CCDC171: variants seen among roughly 807,000 people sequenced by gnomAD.
The protein encoded by CCDC171 is coiled-coil domain containing 171, also known as coiled-coil domain-containing protein 171.
CCDC171 carries 177 observed loss-of-function variants against 168.2 expected under a neutral mutation model. The observed-to-expected ratio is 1.05, with a 90% CI of 0.93 to 1.19. The LOEUF is 1.19. CCDC171 is among the 50% of genes most tolerant of loss of function. CCDC171 has a pLI of 0.00. For synonymous variants in CCDC171, 687 were observed against 540.8 expected, an observed-to-expected ratio of 1.27 and a Z score of -3.75; for missense variants, 1,991 against 1,539.0, an observed-to-expected ratio of 1.29 and a Z score of -4.91.
intron 6 of CCDC171, among the ~76,000 whole-genome samples, chr9:15,606,157 T>G (rs1188153397): frequency 6.6e-6 from 1 of 152,236 alleles, no homozygotes; most frequent in Non-Finnish European, 1.5e-5. Context: ...CTTATTGTAC[T>G]GTATTCACTT....
chr9:15,852,497 T>G (rs1442944012), intron 23 of CCDC171, among the ~76,000 whole-genome samples: 1 of 151,802 alleles, frequency 6.6e-6, no homozygotes, highest in African/African-American at 2.4e-5. Flanking sequence ...ATTATATATA[T>G]GAATTGAAAA....
At chr9:15,822,230 C>G (rs556717449) in intron 21 of CCDC171, among the ~76,000 whole-genome samples, 63 of 152,162 alleles carry the variant, frequency 4.1e-4, no homozygotes, top group African/African-American at 1.4e-3. Flanking sequence ...CATAAAAACC[C>G]TAGAAGAAAA....
At chr9:15,812,831 G>C (rs10962171) in intron 21 of CCDC171, among the ~76,000 whole-genome samples, 102 of 152,096 alleles carry the variant, frequency 6.7e-4, no homozygotes, top group African/African-American at 2.1e-3. Flanking sequence ...TTTGCTGTGC[G>C]TTCCCTGTCC....
At chr9:15,601,104 C>T (rs1485513265) in intron 6 of CCDC171, among the ~76,000 whole-genome samples, 1 of 152,218 alleles carries the variant, frequency 6.6e-6, no homozygotes, top group Non-Finnish European at 1.5e-5. Context: ...ATGCCTCGCC[C>T]TGCTTCGACT....
Position 15,699,689 on chromosome 9 carries a change from C to T in CCDC171, c.1318+4352C>T, listed in dbSNP as rs118147128. Among the ~76,000 whole-genome samples the T allele has an allele frequency of 6.7e-3, 1,023 of 152,212 alleles. 3 individuals are homozygous for T. Among genetic ancestry groups the T allele is most frequent in the Non-Finnish European group, 0.011 (778 of 68,004 alleles). On this transcript the variant is annotated intron_variant, in intron 11 of 25. Transcript: ENST00000380701. ...GTGAATTCACAAACACTGAGCTAGA[C>T]ACGGGGTACTGATTGGTGTGTTTAC... is the stretch of plus-strand genomic sequence containing the variant.
At chr9:16,035,348 C>T (rs1382264948) in intron 6 of CCDC171, 1 of 152,162 alleles carries the variant, frequency 6.6e-6, no homozygotes, top group African/African-American at 2.4e-5. Context: ...TTGGTTCTTT[C>T]CCCCTAAATC....
At chr9:15,750,908 A>C (rs184115969) in intron 18 of CCDC171, among the ~76,000 whole-genome samples, 53 of 152,302 alleles carry the variant, frequency 3.5e-4, no homozygotes, top group African/African-American at 1.2e-3. Context: ...TATTCAACAC[A>C]GTATTGGAAG....
intron 2 of CCDC171, among the ~76,000 whole-genome samples, chr9:15,568,364 G>A (rs927093839): frequency 1.3e-5 from 2 of 148,748 alleles, no homozygotes; most frequent in African/African-American, 5.0e-5. Flanking sequence ...TCCGCCTCCC[G>A]GGCTTAGGCC....
At chr9:15,813,470 T>C (rs1318147639) in intron 21 of CCDC171, among the ~76,000 whole-genome samples, 1 of 152,194 alleles carries the variant, frequency 6.6e-6, no homozygotes, top group Non-Finnish European at 1.5e-5. Context: ...TTTTTGGCTA[T>C]AGCATCTAAC....
chr9:15,984,072 GC>G (rs1045154751), intron 3 of CCDC171, among the ~76,000 whole-genome samples: 10 of 152,182 alleles, frequency 6.6e-5, no homozygotes, highest in African/African-American at 1.9e-4. Flanking sequence ...TTCACATCAA[GC>G]AAAACTGGTC....
rs1420639022 is a variant in CCDC171, at chr9:15,928,768, C to T, written c.3753+8346C>T. Among the ~76,000 whole-genome samples, 3 of 151,646 alleles carry T rather than the reference C, an allele frequency of 2.0e-5. No individual in the cohort carries two copies. The Admixed American group carries it at 2.0e-4, about 10-fold the overall frequency. On this transcript the variant is annotated intron_variant, in intron 25 of 25. Transcript: ENST00000380701. The stretch of plus-strand genomic sequence containing the variant: ...ATAAAATATCAAAAACTGGACAGCT[C>T]AGTCAGCATGCAAAATATATTTTTT...
intron 6 of CCDC171, among the ~76,000 whole-genome samples, chr9:15,598,811 T>A (rs1302803161): frequency 6.6e-6 from 1 of 152,202 alleles, no homozygotes; most frequent in African/African-American, 2.4e-5. Flanking sequence ...TCTAAGGACT[T>A]CCTTTATGAA....
At chr9:16,006,877 T>C (rs1832713504) in intron 3 of CCDC171, among the ~76,000 whole-genome samples, 1 of 152,244 alleles carries the variant, frequency 6.6e-6, no homozygotes, top group African/African-American at 2.4e-5. Context: ...TTGTGAATAG[T>C]ACCGCAATAA....
At chr9:15,782,985 C>G (rs76164287) in intron 20 of CCDC171, among the ~76,000 whole-genome samples, 1 of 152,136 alleles carries the variant, frequency 6.6e-6, no homozygotes, top group East Asian at 1.9e-4. Context: ...TTAGGTAAAT[C>G]ATTAGACATC....
At chr9:15,625,329 C>A (rs1463537120) in intron 7 of CCDC171, among the ~76,000 whole-genome samples, 1 of 152,204 alleles carries the variant, frequency 6.6e-6, no homozygotes, top group Non-Finnish European at 1.5e-5. Context: ...AATTAGATCT[C>A]ATTTGTCAAT....
At chr9:15,772,104 G>A (rs1049732110) in intron 18 of CCDC171, among the ~76,000 whole-genome samples, 1 of 152,128 alleles carries the variant, frequency 6.6e-6, no homozygotes, top group Admixed American at 6.5e-5. Context: ...AAAGTGCTGG[G>A]ATTACAGGCA....
intron 23 of CCDC171, among the ~76,000 whole-genome samples, chr9:15,858,253 C>G (rs1301559885): frequency 5.9e-5 from 9 of 151,904 alleles, no homozygotes; most frequent in African/African-American, 1.9e-4. Flanking sequence ...CTCCTGAGCA[C>G]AGGTGATCCA....
intron 9 of CCDC171, among the ~76,000 whole-genome samples, chr9:15,677,097 A>G (rs1489783068): frequency 6.6e-6 from 1 of 152,080 alleles, no homozygotes; most frequent in Non-Finnish European, 1.5e-5. Context: ...TTTCAATTTT[A>G]GAGACTGGAG....
At chr9:15,783,821 G>T (rs1286998233) in intron 20 of CCDC171, among the ~76,000 whole-genome samples, 1 of 152,084 alleles carries the variant, frequency 6.6e-6, no homozygotes, top group African/African-American at 2.4e-5. Flanking sequence ...TTTGTTGGCA[G>T]ATGTGTATAT....
Sources: gnomAD v4.1 joint callset for allele counts (sites outside exome capture counted in the v4.1 genomes callset) on GRCh38, gnomAD v4.1.1 for gene constraint, MANE v1.5 for transcripts, NCBI Gene and HGNC (gene_info 2026-07-23, HGNC 2026-07-21) for gene names.